The following ADAMTSL2 variants were observed in gnomAD, a reference collection of about 807,000 sequenced individuals.
ADAMTSL2 encodes ADAMTS-like protein 2.
Under a neutral mutation model 117.0 loss-of-function variants are expected in ADAMTSL2, and 55 were observed. The ratio of observed to expected loss-of-function variants is 0.47; its 90% CI spans 0.38 to 0.59. ADAMTSL2 has a LOEUF of 0.59. Among genes scored for constraint, ADAMTSL2 ranks in the 20% least tolerant of loss-of-function variants. ADAMTSL2 has a pLI of 0.00. For missense variants in ADAMTSL2, 1,182 were observed against 1,354.5 expected, an observed-to-expected ratio of 0.87 and a Z score of 2.00; for synonymous variants, 572 against 566.4, an observed-to-expected ratio of 1.01 and a Z score of -0.14.
chr9:133,574,635 C>G, intron 18 of ADAMTSL2, 111 bp from the exon 19 acceptor site: 1 of 868,562 alleles, frequency 1.2e-6, no homozygotes, highest in Non-Finnish European at 2.0e-6. Flanking sequence ...AGACCCACCA[C>G]GGGGTGGGAG....
At chr9:133,539,685 T>TGTCCCGGCTGTCCCGGCA in intron 4 of ADAMTSL2, 86 bp from the exon 5 acceptor site, 1 of 1,344,022 alleles carries the variant, frequency 7.4e-7, no homozygotes, top group Non-Finnish European at 1.0e-6. Flanking sequence ...CTGTCCCGGC[T>TGTCCCGGCTGTCCCGGCA]GCAGCCACTT....
In ADAMTSL2 at chr9:133,566,170, G is replaced by A. The variant is rs376715787; in HGVS notation, c.1748-766G>A. 2.6e-4 allele frequency among the ~76,000 whole-genome samples: 39 copies of A among 152,320 alleles called. No individual in the cohort carries two copies. In the South Asian group the frequency reaches 7.0e-3, roughly 28 times the overall value. ...ATTAAAGAAAGTTCAGGCCTGGCGC[G>A]GTGGCTCACGCATGTAATCCCAGCA... On this transcript the variant is annotated intron_variant, in intron 12 of 18. Transcript: ENST00000651351.
At position 133,561,224 on chromosome 9, in the gene ADAMTSL2, G is replaced by A. The variant is rs1319848831; in HGVS notation, c.1676G>A (p.Gly559Asp). The A allele has an allele frequency of 1.9e-6, 3 of 1,608,262 alleles. No individual in the cohort carries two copies. The highest frequency in any genetic ancestry group is 1.3e-5 in the African/African-American group (1 of 74,916). The change falls in exon 12 of 19, where the codon GGC (glycine) becomes GAC (aspartate). Residue 559 changes from glycine to aspartate, a missense_variant. By Grantham distance (94) the Gly-to-Asp change is moderately conservative. Transcript: ENST00000651351. ...ACCAGGCCCAAGGCGCGCAAGCAAGGCGTGAGTCCCGCGGACATGTACCGG... is the reference window on the plus strand; with the variant it reads ...ACCAGGCCCAAGGCGCGCAAGCAAGACGTGAGTCCCGCGGACATGTACCGG... ...ARTRPKARKQ[G>D]VSPADMYRWK... is the part of the protein sequence containing the mutation.
intron 16 of ADAMTSL2, 128 bp from the exon 17 acceptor site, chr9:133,570,203 G>C: frequency 1.9e-6 from 2 of 1,042,806 alleles, no homozygotes; most frequent in Middle Eastern, 3.1e-4. Context: ...CAGCCAGTTT[G>C]TTATGCACTG....
At chr9:133,533,261 TGGGTTA>T (rs1274386329), upstream of ADAMTSL2, among the ~76,000 whole-genome samples, 7 of 152,118 alleles carry the variant, frequency 4.6e-5, no homozygotes, top group South Asian at 4.1e-4. Context: ...AGTGTGGGCC[TGGGTTA>T]GGGTTAGGGT....
In ADAMTSL2 at chr9:133,568,476, A is replaced by G; in HGVS notation, c.2078A>G (p.Glu693Gly). 6.2e-7 allele frequency: 1 copy of G among 1,603,734 alleles called. No individual in the cohort carries two copies. Among genetic ancestry groups the G allele is most frequent in the Non-Finnish European group, 8.5e-7 (1 of 1,176,138 alleles). ...TGCGGGCCCCAGTGGGAGATGTCGG[A>G]GTGGTCCGAGGTGAGTGCCTGCGGG... ...PACGPQWEMS[E>G]WSECTAKCGE... The change falls in exon 14 of 19, where the codon GAG becomes GGG. Residue 693 changes from glutamate (E) to glycine (G), a missense_variant. By Grantham distance (98) the Glu-to-Gly change is moderately conservative. This residue lies in a region of ADAMTSL2 where 465 missense variants were observed against 565.3 expected (regional missense o/e 0.82). Transcript: ENST00000651351.
At chr9:133,540,297 G>A (rs1459605351) in intron 5 of ADAMTSL2, among the ~76,000 whole-genome samples, 3 of 152,226 alleles carry the variant, frequency 2.0e-5, no homozygotes, top group Admixed American at 6.5e-5. Context: ...GGTGCCCAGG[G>A]CCAGCAGCAC....
In ADAMTSL2 at chr9:133,566,921, CT is replaced by C; in HGVS notation, c.1748-14del. The stretch of plus-strand genomic sequence containing the variant: ...GCCGGCATGGCTCACAGACCCACCC[CT>C]GTCCCCAACCCAGGGGTCATGTCTG... On this transcript the variant is annotated splice_polypyrimidine_tract_variant and intron_variant, in intron 12 of 18. Coordinates refer to ENST00000651351, the MANE Select transcript of ADAMTSL2 (RefSeq NM_014694.4). 1.2e-6 allele frequency: 2 copies of C among 1,601,558 alleles called. No homozygotes were observed. The highest frequency in any genetic ancestry group is 1.3e-5 in the African/African-American group (1 of 74,876).
intron 7 of ADAMTSL2, among the ~76,000 whole-genome samples, chr9:133,542,136 A>G (rs922141494): frequency 5.3e-5 from 8 of 152,172 alleles, no homozygotes; most frequent in African/African-American, 1.9e-4. Flanking sequence ...TCAGCCTGCC[A>G]CTGAGGGCTA....
chr9:133,563,878 A>G (rs1464350895), intron 12 of ADAMTSL2, among the ~76,000 whole-genome samples: 18 of 54,126 alleles, frequency 3.3e-4, no homozygotes, highest in Middle Eastern at 0.012. Flanking sequence ...AGAGAGAGAG[A>G]GAGAGAGGGA....
At position 133,555,756 on chromosome 9, in the gene ADAMTSL2, C is replaced by T; in HGVS notation, c.1475C>T (p.Ala492Val). 3.7e-6 allele frequency: 6 copies of T among 1,614,040 alleles called. No homozygotes were observed. The highest frequency in any genetic ancestry group is 5.1e-6 in the Non-Finnish European group (6 of 1,180,046). Residue 492 changes from alanine to valine, a missense_variant, in exon 11 of 19, where the codon GCC (alanine) becomes GTC (valine). Transcript: ENST00000651351. ...CAGGGCGCCCCAAGGAGCTCCCTGG[C>T]CGAGAGCTTCTTCGTGGATTATGAG... Reference protein sequence around the residue: ...FAQGAPRSSLAESFFVDYEEN... With the variant: ...FAQGAPRSSLVESFFVDYEEN...
chr9:133,534,492 G>A (rs990026031), upstream of ADAMTSL2: 1 of 419,842 alleles, frequency 2.4e-6, no homozygotes. Flanking sequence ...GACCCGGGAA[G>A]AAGGCCTCCC....
chr9:133,568,408 GGCCGTGCGGCCCGAGGAACGCAAGACCT>G lies in ADAMTSL2; in HGVS notation c.2015_2042del (p.Val672GlyfsTer27). 1 of 1,608,378 alleles carries G rather than the reference GGCCGTGCGGCCCGAGGAACGCAAGACCT, an allele frequency of 6.2e-7. No individual in the cohort carries two copies. The highest frequency in any genetic ancestry group is 8.5e-7 in the Non-Finnish European group (1 of 1,178,228). ...ACAGCGACCTGTGCGAGGCAGCCGA[GGCCGTGCGGCCCGAGGAACGCAAGACCT>G]GCCGGAACCCCGCCTGCGGGCCCCA... On this transcript the variant is annotated frameshift_variant, in exon 14 of 19. Transcript: ENST00000651351. LOFTEE classifies it high-confidence loss of function.
Position 133,544,073 on chromosome 9 carries a change from A to G in ADAMTSL2, c.683-397A>G, listed in dbSNP as rs145972854. Among the ~76,000 whole-genome samples, 103 of 152,348 alleles carry G rather than the reference A, an allele frequency of 6.8e-4. 1 individual carries two copies. The highest frequency in any genetic ancestry group is 2.2e-3 in the African/African-American group (93 of 41,582). On this transcript the variant is annotated intron_variant, in intron 7 of 18. Coordinates refer to ENST00000651351, the MANE Select transcript of ADAMTSL2 (RefSeq NM_014694.4). ...TGAAAGTCAACGTGTTGTTGTCACA[A>G]GACAGGATTTTAAAATGGCAGTGAC...
In ADAMTSL2 at chr9:133,568,656, G is replaced by C. The variant is rs11542920; in HGVS notation, c.2142G>C (p.Ser714=). The change falls in exon 15 of 19, where the codon TCG becomes TCC. Residue 714 remains serine, a synonymous_variant. Coordinates refer to ENST00000651351, the MANE Select transcript of ADAMTSL2 (RefSeq NM_014694.4). ...RSVVTRDIRC[S]EDEKLCDPNT... ...TGGTGACCAGGGACATCCGCTGCTCGGAGGATGAGAAGCTGTGTGACCCCA... is the reference window on the plus strand; with the variant it reads ...TGGTGACCAGGGACATCCGCTGCTCCGAGGATGAGAAGCTGTGTGACCCCA... 6.2e-7 allele frequency: 1 copy of C among 1,613,174 alleles called. No homozygotes were observed. Among genetic ancestry groups the C allele is most frequent in the Non-Finnish European group, 8.5e-7 (1 of 1,179,942 alleles).
At chr9:133,572,188 C>A (rs370415361) in intron 17 of ADAMTSL2, among the ~76,000 whole-genome samples, 2 of 149,534 alleles carry the variant, frequency 1.3e-5, no homozygotes, top group African/African-American at 2.5e-5. Context: ...CCCCACCCCC[C>A]ACCCCGCCCC....
intron 5 of ADAMTSL2, 138 bp downstream of exon 5, chr9:133,540,011 C>T (rs980168840): frequency 1.2e-6 from 1 of 803,244 alleles, no homozygotes; most frequent in Non-Finnish European, 2.1e-6. Context: ...AGGAATGAAC[C>T]TGGGTCTCCT....
intron 15 of ADAMTSL2, among the ~76,000 whole-genome samples, chr9:133,569,167 TC>T (rs1223945653): frequency 4.6e-5 from 7 of 152,128 alleles, no homozygotes; most frequent in African/African-American, 1.7e-4. Flanking sequence ...CTAGCTGGGG[TC>T]GCCTCTGGGT....
At chr9:133,574,693 C>T (rs1831187229) in intron 18 of ADAMTSL2, 53 bp from the exon 19 acceptor site, 6 of 1,536,800 alleles carry the variant, frequency 3.9e-6, no homozygotes, top group Non-Finnish European at 5.4e-6. Context: ...GGGGTTTTCG[C>T]CCCTTGGCCA....
Sources: allele counts gnomAD v4.1 joint callset (sites outside exome capture counted in the v4.1 genomes callset), GRCh38; gene constraint gnomAD v4.1.1; regional missense constraint gnomAD v4.1.1; transcripts MANE v1.5; gene names NCBI Gene and HGNC (gene_info 2026-07-23, HGNC 2026-07-21).